The following TAF15 variants were observed in gnomAD, a reference collection of about 807,000 sequenced individuals.
TAF15 encodes the protein TATA-binding protein-associated factor 2N.
Under a neutral mutation model 102.5 loss-of-function variants are expected in TAF15, and 37 were observed. That is an observed-to-expected ratio of 0.36 (90% CI 0.28 to 0.47). The LOEUF (loss-of-function observed/expected upper bound fraction) is 0.47, where lower values mean the gene tolerates loss of function less well. Ranked by LOEUF, TAF15 falls within the 20% of genes least tolerant of loss-of-function variation. TAF15 has a pLI of 0.99. For synonymous variants in TAF15, 273 were observed against 259.2 expected (o/e 1.05, Z -0.51); for missense variants, 652 against 760.7 (o/e 0.86, Z 1.68).
chr17:35,826,373 T>A (rs2087326883), intron 7 of TAF15, among the ~76,000 whole-genome samples: 1 of 152,108 alleles, frequency 6.6e-6, no homozygotes, highest in African/African-American at 2.4e-5. Flanking sequence ...TATATTGAGT[T>A]GGCAAGCTGT....
chr17:35,833,762 CTG>C (rs1327228793), intron 7 of TAF15, 143 bp from the exon 8 acceptor site: 13 of 750,038 alleles, frequency 1.7e-5, no homozygotes, highest in Non-Finnish European at 2.5e-5. Context: ...ATTTAGAACT[CTG>C]TGAAATGGAA....
At chr17:35,824,382 G>C in intron 7 of TAF15, 184 bp downstream of exon 7, 1 of 793,762 alleles carries the variant, frequency 1.3e-6, no homozygotes, top group Admixed American at 2.9e-5. Context: ...TCACATAAAT[G>C]ACCTTAGAAT....
At chr17:35,820,707 A>G (rs2087248228) in intron 5 of TAF15, among the ~76,000 whole-genome samples, 1 of 152,144 alleles carries the variant, frequency 6.6e-6, no homozygotes, top group South Asian at 2.1e-4. Flanking sequence ...TTTATCCCTG[A>G]GATTAAATAA....
Position 35,844,802 on chromosome 17 carries a change from T to TGGAGGAGATCGAGGAGGTTAC in TAF15, c.1524_1544dup (p.Gly520_Arg526dup), listed in dbSNP as rs760281454. On this transcript the variant is annotated inframe_insertion, in exon 15 of 16. Transcript: ENST00000605844. ...GCTATGGTGGAGACCGAGGAGGCTATGGAGGAGATCGAGGAGGTTACGGAG... is the reference window on the plus strand; with the variant it reads ...GCTATGGTGGAGACCGAGGAGGCTATGGAGGAGATCGAGGAGGTTACGGAGGAGATCGAGGAGGTTACGGAG... The TGGAGGAGATCGAGGAGGTTAC allele has an allele frequency of 3.4e-4, 539 of 1,597,968 alleles. No individual in the cohort carries two copies. Among genetic ancestry groups the TGGAGGAGATCGAGGAGGTTAC allele is most frequent in the East Asian group, 2.3e-3 (104 of 44,618 alleles).
At chr17:35,810,987 CT>C (rs2087118240) in intron 1 of TAF15, 1 of 152,160 alleles carries the variant, frequency 6.6e-6, no homozygotes, top group South Asian at 2.1e-4. Context: ...ATTGGTACAT[CT>C]TTTTCTAGGT....
intron 1 of TAF15, among the ~76,000 whole-genome samples, chr17:35,814,447 C>T (rs1463859718): frequency 1.3e-5 from 2 of 151,832 alleles, no homozygotes; most frequent in Non-Finnish European, 2.9e-5. Context: ...GGATTACAGG[C>T]GTGAGCAACT....
At position 35,809,512 on chromosome 17, in the gene TAF15, G is replaced by A. The variant is rs1027998889; in HGVS notation, c.-58G>A. The A allele has an allele frequency of 3.7e-6, 6 of 1,610,986 alleles. No homozygotes were observed. Among genetic ancestry groups the A allele is most frequent in the Admixed American group, 1.7e-5 (1 of 59,964 alleles). ...ACAGCTCCGGCCGCCGCGCCGCCTG[G>A]CTTTCGTATTCGTTGTTCTCGGCGG... On this transcript the variant is annotated 5_prime_UTR_variant, in exon 1 of 16. Coordinates refer to ENST00000605844, the MANE Select transcript of TAF15 (RefSeq NM_139215.3).
intron 9 of TAF15, among the ~76,000 whole-genome samples, chr17:35,835,324 G>T (rs1239119462): frequency 6.6e-6 from 1 of 152,188 alleles, no homozygotes; most frequent in Non-Finnish European, 1.5e-5. Context: ...GTGAATTCAA[G>T]AAACCTAAAT....
At chr17:35,845,137 C>A in intron 15 of TAF15, 99 bp downstream of exon 15, 1 of 1,444,766 alleles carries the variant, frequency 6.9e-7, no homozygotes. Flanking sequence ...TTGAATTTCC[C>A]ATTGCCAGTT....
chr17:35,846,168 A>T (rs1269420880), intron 15 of TAF15, among the ~76,000 whole-genome samples: 10 of 152,226 alleles, frequency 6.6e-5, no homozygotes, highest in Admixed American at 3.3e-4. Flanking sequence ...TTAAGAGCAT[A>T]AAGTTGGGAA....
In TAF15 at chr17:35,836,366, C is replaced by T. The variant is rs142542796; in HGVS notation, c.783+125C>T. On this transcript the variant is annotated intron_variant, in intron 10 of 15. Transcript: ENST00000605844. The stretch of plus-strand genomic sequence containing the variant: ...CTTAAAATTTTGTGATGCACATGCT[C>T]GTTTATGTCTGTAGACGTTTGCTAA... 1.1e-4 allele frequency: 77 copies of T among 686,120 alleles called. No homozygotes were observed. The Admixed American group carries it at 1.8e-3, about 16-fold the overall frequency. 42.5% of individuals were successfully genotyped at this position (686,120 alleles called of 1,614,324 possible). A position where few individuals can be genotyped will look rare whatever the true frequency, so the allele number is the denominator to read the frequency against.
chr17:35,845,159 G>C, intron 15 of TAF15, 121 bp downstream of exon 15: 1 of 1,276,122 alleles, frequency 7.8e-7, no homozygotes, highest in Non-Finnish European at 1.1e-6. Context: ...TCTCAGGATG[G>C]AGAAGATGAT....
At chr17:35,833,297 G>A (rs1271448126) in intron 7 of TAF15, among the ~76,000 whole-genome samples, 4 of 152,200 alleles carry the variant, frequency 2.6e-5, no homozygotes, top group Admixed American at 1.3e-4. Flanking sequence ...GTATAGAGTA[G>A]GAGGGCGGTT....
chr17:35,829,244 G>C (rs992635337), intron 7 of TAF15, among the ~76,000 whole-genome samples: 23 of 152,128 alleles, frequency 1.5e-4, no homozygotes, highest in Admixed American at 8.5e-4. Context: ...TCTAAGAATA[G>C]AGATTCCTGC....
At chr17:35,838,056 G>A (rs2143813570) in intron 10 of TAF15, among the ~76,000 whole-genome samples, 1 of 152,096 alleles carries the variant, frequency 6.6e-6, no homozygotes, top group African/African-American at 2.4e-5. Flanking sequence ...GGTGGCACTT[G>A]CTTGTAGTCC....
At chr17:35,839,924 C>T (rs1264498997) in intron 11 of TAF15, among the ~76,000 whole-genome samples, 1 of 152,114 alleles carries the variant, frequency 6.6e-6, no homozygotes, top group Non-Finnish European at 1.5e-5. Flanking sequence ...GTAACTAACA[C>T]TTACTGCATG....
rs200182535 is a variant in TAF15 at position 35,844,922 on chromosome 17, C to T, written c.1623C>T (p.Tyr541=). 1.2e-4 allele frequency: 201 copies of T among 1,609,904 alleles called. No homozygotes were observed. Among genetic ancestry groups the T allele is most frequent in the East Asian group, 4.7e-4 (21 of 44,590 alleles). Residue 541 remains tyrosine (Y), a synonymous_variant, in exon 15 of 16, where the codon TAC becomes TAT. Coordinates refer to ENST00000605844, the MANE Select transcript of TAF15 (RefSeq NM_139215.3). The part of the protein sequence containing the change: ...YGGDRGGGSG[Y]GGDRSGGYGG... The stretch of plus-strand genomic sequence containing the variant: ...GAGACCGTGGTGGTGGCAGTGGCTA[C>T]GGTGGAGACCGAAGTGGAGGCTATG...
intron 9 of TAF15, 141 bp downstream of exon 9, chr17:35,834,739 T>TA: frequency 1.1e-4 from 56 of 532,806 alleles, no homozygotes; most frequent in Non-Finnish European, 1.4e-4. Flanking sequence ...GAGCTTTATT[T>TA]CTTTTTTTTT....
At chr17:35,832,703 A>G (rs2087421787) in intron 7 of TAF15, among the ~76,000 whole-genome samples, 1 of 152,204 alleles carries the variant, frequency 6.6e-6, no homozygotes, top group Non-Finnish European at 1.5e-5. Flanking sequence ...TTTTATTGCC[A>G]TGTTAGCATA....
Sources: gnomAD v4.1 joint callset for allele counts (sites outside exome capture counted in the v4.1 genomes callset) on GRCh38, gnomAD v4.1.1 for gene constraint, MANE v1.5 for transcripts, NCBI Gene and HGNC (gene_info 2026-07-23, HGNC 2026-07-21) for gene names.